The following EVI5 variants were observed in gnomAD, a reference collection of about 807,000 sequenced individuals.
The protein encoded by EVI5 is ecotropic viral integration site 5 protein homolog.
A neutral mutation model predicts 112.0 loss-of-function variants in EVI5; 73 were observed. The ratio of observed to expected loss-of-function variants is 0.65; its 90% CI spans 0.54 to 0.79. The LOEUF (loss-of-function observed/expected upper bound fraction) is 0.79, where lower values mean the gene tolerates loss of function less well. Ranked by LOEUF, EVI5 falls within the 30% of genes least tolerant of loss-of-function variation. The probability of loss-of-function intolerance (pLI) is 0.00; values close to 1 mark genes in which losing one functional copy is unlikely to be tolerated. For synonymous variants in EVI5, 305 were observed against 319.9 expected, an observed-to-expected ratio of 0.95 and a Z score of 0.50; for missense variants, 900 against 968.8, an observed-to-expected ratio of 0.93 and a Z score of 0.94.
chr1:92,720,003 C>T (rs1262201695), intron 2 of EVI5, among the ~76,000 whole-genome samples: 2 of 152,002 alleles, frequency 1.3e-5, no homozygotes, highest in Admixed American at 6.5e-5. Context: ...GAACTACAAA[C>T]CACTGCTCAA....
chr1:92,785,285 G>A (rs1175677541), upstream of EVI5, among the ~76,000 whole-genome samples: 1 of 152,206 alleles, frequency 6.6e-6, no homozygotes, highest in African/African-American at 2.4e-5. Context: ...CAAAGCACCA[G>A]CCTTCAGTCC....
At chr1:92,648,433 TTATAG>T (rs1661427310) in intron 13 of EVI5, among the ~76,000 whole-genome samples, 1 of 151,922 alleles carries the variant, frequency 6.6e-6, no homozygotes, top group Non-Finnish European at 1.5e-5. Flanking sequence ...ATTCAGTGTC[TTATAG>T]TATATTAAGA....
chr1:92,515,711 A>T (rs1378739242), intron 19 of EVI5, among the ~76,000 whole-genome samples: 1 of 152,228 alleles, frequency 6.6e-6, no homozygotes, highest in Non-Finnish European at 1.5e-5. Context: ...TATTCAGGAA[A>T]TATTACATAC....
chr1:92,519,674 G>A (rs946839285), intron 19 of EVI5, among the ~76,000 whole-genome samples: 1 of 151,846 alleles, frequency 6.6e-6, no homozygotes, highest in East Asian at 1.9e-4. Flanking sequence ...GGGTGGATCA[G>A]CTGAGGTCGG....
At chr1:92,663,495 T>C (rs1326371425) in intron 11 of EVI5, 43 bp from the exon 12 acceptor site, 1 of 989,990 alleles carries the variant, frequency 1.0e-6, no homozygotes, top group South Asian at 1.8e-5. Flanking sequence ...GAGAAAGAAA[T>C]AAAAGTGATA....
chr1:92,638,001 T>G (rs1418326302), intron 13 of EVI5, among the ~76,000 whole-genome samples: 2 of 152,238 alleles, frequency 1.3e-5, no homozygotes, highest in African/African-American at 4.8e-5. Flanking sequence ...GGCATTCTTT[T>G]GGAATGACCA....
intron 18 of EVI5, among the ~76,000 whole-genome samples, chr1:92,575,200 C>T (rs1670870337): frequency 6.6e-6 from 1 of 152,128 alleles, no homozygotes; most frequent in Non-Finnish European, 1.5e-5. Context: ...CTATATTCAC[C>T]AATTACCATT....
At chr1:92,753,297 C>G (rs1680468448) in intron 1 of EVI5, among the ~76,000 whole-genome samples, 1 of 152,162 alleles carries the variant, frequency 6.6e-6, no homozygotes, top group African/African-American at 2.4e-5. Context: ...CAAGACTAGC[C>G]TAGGCTACAC....
In EVI5 at chr1:92,619,483, T is replaced by C. The variant is rs1200275440; in HGVS notation, c.1827+4693A>G. Among the ~76,000 whole-genome samples, 4 of 151,884 alleles carry C rather than the reference T, an allele frequency of 2.6e-5. No homozygotes were observed. The East Asian group carries it at 7.8e-4, about 29-fold the overall frequency. ...ATATATATCCTATTAGTTCTGCCCC[T>C]CTAGAGAACCCTGACTAATACAACA... On this transcript the variant is annotated intron_variant, in intron 16 of 19. Coordinates refer to ENST00000684568, the MANE Select transcript of EVI5 (RefSeq NM_001350197.2).
intron 18 of EVI5, among the ~76,000 whole-genome samples, chr1:92,582,918 T>C (rs181458283): frequency 3.9e-4 from 59 of 152,278 alleles, no homozygotes; most frequent in African/African-American, 1.3e-3. Context: ...ATTTCAACAG[T>C]TTTGACAGGA....
chr1:92,681,605 C>A (rs1220073104), intron 9 of EVI5, among the ~76,000 whole-genome samples: 4 of 152,142 alleles, frequency 2.6e-5, no homozygotes, highest in Non-Finnish European at 5.9e-5. Flanking sequence ...TTCATTACAG[C>A]AAAGAGTAAA....
At chr1:92,694,167 C>G (rs934911530) in intron 8 of EVI5, 132 bp downstream of exon 8, 1 of 622,612 alleles carries the variant, frequency 1.6e-6, no homozygotes, top group African/African-American at 1.9e-5. Flanking sequence ...AAGGCTGAAG[C>G]GGTAGGAGGA....
At chr1:92,750,509 T>C (rs1296734278) in intron 1 of EVI5, among the ~76,000 whole-genome samples, 3 of 152,190 alleles carry the variant, frequency 2.0e-5, no homozygotes, top group Non-Finnish European at 4.4e-5. Context: ...CACTACACTA[T>C]ACTCTTTAGA....
intron 18 of EVI5, among the ~76,000 whole-genome samples, chr1:92,581,732 G>A (rs1671964876): frequency 6.6e-6 from 1 of 151,320 alleles, no homozygotes; most frequent in African/African-American, 2.4e-5. Flanking sequence ...TTAGATAGTT[G>A]GGGTAGGTAA....
chr1:92,689,294 C>T (rs550545934), intron 9 of EVI5, among the ~76,000 whole-genome samples: 41 of 152,002 alleles, frequency 2.7e-4, no homozygotes, highest in African/African-American at 7.7e-4. Context: ...AATAATGCCC[C>T]CTGCTACTGG....
chr1:92,538,519 G>GTCCA (rs1253448422), intron 19 of EVI5, among the ~76,000 whole-genome samples: 1 of 152,172 alleles, frequency 6.6e-6, no homozygotes, highest in Non-Finnish European at 1.5e-5. Flanking sequence ...TGTTTTTTCA[G>GTCCA]TCCATCAATC....
upstream of EVI5, among the ~76,000 whole-genome samples, chr1:92,785,874 G>GT (rs1685583433): frequency 6.6e-6 from 1 of 151,986 alleles, no homozygotes; most frequent in Admixed American, 6.6e-5. Flanking sequence ...GAGGTCAGGA[G>GT]TTGGAGACCA....
chr1:92,635,207 TGACA>T (rs1217638023), intron 14 of EVI5, among the ~76,000 whole-genome samples: 8 of 152,228 alleles, frequency 5.3e-5, no homozygotes, highest in Non-Finnish European at 7.3e-5. Flanking sequence ...TCTTCAAAGC[TGACA>T]GACAGGGACA....
rs1459349258 is a variant in EVI5, at chr1:92,605,479, C to T, written c.1975-77G>A. The T allele has an allele frequency of 2.8e-5, 27 of 954,554 alleles. No individual in the cohort carries two copies. In the South Asian group the frequency reaches 3.4e-4, roughly 12 times the overall value. 59.1% of individuals were successfully genotyped at this position (954,554 alleles called of 1,614,324 possible). Reference sequence around the variant, plus strand: ...CAGATTTTAGAAAAGTAATAGGTTGCATAAACCATACGTTAAGTATTATCT... The same window carrying T: ...CAGATTTTAGAAAAGTAATAGGTTGTATAAACCATACGTTAAGTATTATCT... On this transcript the variant is annotated intron_variant, in intron 17 of 19. Coordinates refer to ENST00000684568, the MANE Select transcript of EVI5 (RefSeq NM_001350197.2).
Sources: allele counts gnomAD v4.1 joint callset (sites outside exome capture counted in the v4.1 genomes callset), GRCh38; gene constraint gnomAD v4.1.1; transcripts MANE v1.5; gene names NCBI Gene and HGNC (gene_info 2026-07-23, HGNC 2026-07-21).